Variants in ADGRV1 observed in about 807,000 individuals in gnomAD.
ADGRV1 encodes adhesion G protein-coupled receptor V1.
ADGRV1 carries 359 observed loss-of-function variants against 596.2 expected under a neutral mutation model. The observed-to-expected ratio is 0.60, with a 90% confidence interval of 0.55 to 0.66. The LOEUF is 0.66. ADGRV1 is among the 30% of genes least tolerant of loss of function. ADGRV1 has a pLI of 0.00. For missense variants in ADGRV1, 7,274 were observed against 7,575.6 expected (o/e 0.96, Z 1.48); for synonymous variants, 2,681 against 2,679.2 (o/e 1.00, Z -0.02).
chr5:91,104,446 A>G (rs1397867322), intron 87 of ADGRV1, among the ~76,000 whole-genome samples: 1 of 152,226 alleles, frequency 6.6e-6, no homozygotes, highest in Non-Finnish European at 1.5e-5. Context: ...GGGAAGTTTC[A>G]ATATCCTCCT....
At chr5:90,841,187 C>T (rs905191617) in intron 78 of ADGRV1, among the ~76,000 whole-genome samples, 3 of 152,112 alleles carry the variant, frequency 2.0e-5, no homozygotes, top group South Asian at 4.1e-4. Context: ...TTGGAAATCT[C>T]AGTCTTAGGC....
chr5:90,648,365 T>C (rs1359503363), intron 17 of ADGRV1, among the ~76,000 whole-genome samples: 1 of 152,258 alleles, frequency 6.6e-6, no homozygotes, highest in African/African-American at 2.4e-5. Flanking sequence ...CTATGGCTTC[T>C]CTTGATAGTT....
chr5:90,880,621 G>T (rs1476405675), intron 83 of ADGRV1, among the ~76,000 whole-genome samples: 1 of 152,110 alleles, frequency 6.6e-6, no homozygotes, highest in East Asian at 1.9e-4. Context: ...TTTAGTAGTT[G>T]GGACTTTACT....
In ADGRV1 at chr5:90,805,342, T is replaced by G. The variant is rs767733373; in HGVS notation, c.14720T>G (p.Val4907Gly). The G allele has an allele frequency of 1.2e-6, 2 of 1,613,056 alleles. No individual in the cohort carries two copies. Among genetic ancestry groups the G allele is most frequent in the East Asian group, 4.5e-5 (2 of 44,872 alleles). Reference protein sequence around the residue: ...LMNITAGTSHVMISRRGTYGA... With the variant: ...LMNITAGTSHGMISRRGTYGA... ...AACATCACTGCTGGCACAAGCCACG[T>G]TATGATTTCTAGGAGAGGCACATAT... Residue 4907 changes from valine to glycine, a missense_variant, in exon 72 of 90, where the codon GTT (valine) becomes GGT (glycine). Physicochemically the swap from Val to Gly is moderately radical, Grantham distance 109. Coordinates refer to ENST00000405460, the MANE Select transcript of ADGRV1 (RefSeq NM_032119.4).
At chr5:90,998,559 T>A (rs1320103038) in intron 85 of ADGRV1, among the ~76,000 whole-genome samples, 1 of 152,156 alleles carries the variant, frequency 6.6e-6, no homozygotes, top group Non-Finnish European at 1.5e-5. Context: ...GAACTATTTC[T>A]AGTTCTTCTT....
intron 83 of ADGRV1, among the ~76,000 whole-genome samples, chr5:90,960,737 A>C (rs1215394488): frequency 6.6e-6 from 1 of 152,124 alleles, no homozygotes; most frequent in Admixed American, 6.5e-5. Flanking sequence ...CATGAGTTCA[A>C]CCTGGGAAGA....
intron 86 of ADGRV1, among the ~76,000 whole-genome samples, chr5:91,100,084 C>T (rs989314880): frequency 1.3e-5 from 2 of 152,072 alleles, no homozygotes; most frequent in African/African-American, 2.4e-5. Context: ...TCACAGAAAC[C>T]ATCTTGAAAG....
chr5:91,018,178 T>C (rs1581801386), intron 85 of ADGRV1, among the ~76,000 whole-genome samples: 1 of 152,130 alleles, frequency 6.6e-6, no homozygotes, highest in East Asian at 1.9e-4. Context: ...CTTTTCTCTC[T>C]TCTGACCTTG....
At chr5:91,131,422 G>GT (rs61693680) in intron 87 of ADGRV1, among the ~76,000 whole-genome samples, 4,371 of 124,458 alleles carry the variant, frequency 0.035, 103 homozygotes, top group African/African-American at 0.069. Context: ...GTCTGTTTGG[G>GT]TTTTTTTTTT....
At chr5:90,664,287 C>G (rs13159877) in intron 21 of ADGRV1, among the ~76,000 whole-genome samples, 19,847 of 139,370 alleles carry the variant, frequency 0.14, 1,350 homozygotes, top group East Asian at 0.36. Context: ...CTTTTATTTC[C>G]TTGAGCAGTG....
intron 1 of ADGRV1, among the ~76,000 whole-genome samples, chr5:90,582,783 G>A (rs1182670104): frequency 6.6e-6 from 1 of 152,110 alleles, no homozygotes; most frequent in Non-Finnish European, 1.5e-5. Flanking sequence ...TGTTGCCCAG[G>A]CTTGTCTCAA....
intron 75 of ADGRV1, 105 bp from the exon 76 acceptor site, chr5:90,823,320 A>G: frequency 2.6e-6 from 3 of 1,165,050 alleles, no homozygotes; most frequent in Non-Finnish European, 3.7e-6. Flanking sequence ...AAGAGGTACC[A>G]TTTGGTATAC....
chr5:90,897,758 A>G (rs1481039508), intron 83 of ADGRV1, among the ~76,000 whole-genome samples: 3 of 152,134 alleles, frequency 2.0e-5, no homozygotes, highest in Non-Finnish European at 4.4e-5. Flanking sequence ...GTTAGCTATG[A>G]TTAAGAGGGC....
chr5:90,882,578 A>G (rs1054989060), intron 83 of ADGRV1, among the ~76,000 whole-genome samples: 11 of 152,294 alleles, frequency 7.2e-5, no homozygotes, highest in Middle Eastern at 3.4e-3. Context: ...CGAGAAAGCT[A>G]TTGTTCTGGA....
At position 90,637,758 on chromosome 5, in the gene ADGRV1, G is replaced by T; in HGVS notation, c.2050G>T (p.Gly684Cys). The T allele has an allele frequency of 6.2e-7, 1 of 1,613,098 alleles. No individual in the cohort carries two copies. The highest frequency in any genetic ancestry group is 8.5e-7 in the Non-Finnish European group (1 of 1,179,526). The change falls in exon 11 of 90, where the codon GGC becomes TGC. Residue 684 changes from glycine (G) to cysteine (C), a missense_variant. By Grantham distance (159) the Gly-to-Cys change is radical. Transcript: ENST00000405460. ...TCCCTTACATCGGGATGGAACTGAT[G>T]GCCAGGCTACTGTCTACTGGAGTTT... is the stretch of plus-strand genomic sequence containing the variant. The part of the protein sequence containing the change: ...YIPLHRDGTD[G>C]QATVYWSLKP...
chr5:90,915,896 A>G (rs1773308499), intron 83 of ADGRV1, among the ~76,000 whole-genome samples: 1 of 152,226 alleles, frequency 6.6e-6, no homozygotes, highest in Admixed American at 6.5e-5. Flanking sequence ...GTTTGGCCAT[A>G]CCTAACATAA....
At chr5:90,889,739 T>C (rs1317567678) in intron 83 of ADGRV1, among the ~76,000 whole-genome samples, 3 of 152,142 alleles carry the variant, frequency 2.0e-5, no homozygotes, top group Non-Finnish European at 4.4e-5. Context: ...ATATTTAATG[T>C]ATATCAAGTT....
intron 72 of ADGRV1, among the ~76,000 whole-genome samples, chr5:90,805,720 G>C (rs1403111703): frequency 1.3e-5 from 2 of 152,170 alleles, no homozygotes; most frequent in Non-Finnish European, 2.9e-5. Context: ...ATAGGAGTTT[G>C]TTGAAAGTAG....
intron 73 of ADGRV1, among the ~76,000 whole-genome samples, chr5:90,808,293 G>A (rs1242559868): frequency 1.3e-5 from 2 of 152,088 alleles, no homozygotes; most frequent in Non-Finnish European, 2.9e-5. Context: ...AGCAGCAGAG[G>A]GCAGACCTGC....
Sources: allele counts gnomAD v4.1 joint callset (sites outside exome capture counted in the v4.1 genomes callset), GRCh38; gene constraint gnomAD v4.1.1; transcripts MANE v1.5; gene names NCBI Gene and HGNC (gene_info 2026-07-23, HGNC 2026-07-21).